Variants in CDHR1 observed in about 807,000 individuals in gnomAD.
CDHR1 encodes cadherin related family member 1, also known as cadherin-related family member 1.
Under a neutral mutation model 72.1 loss-of-function variants are expected in CDHR1, and 61 were observed. The ratio of observed to expected loss-of-function variants is 0.85; its 90% confidence interval spans 0.69 to 1.05. The LOEUF (loss-of-function observed/expected upper bound fraction) is 1.05. Ranked by LOEUF, CDHR1 falls within the 50% of genes least tolerant of loss-of-function variation. The pLI, the probability that CDHR1 is intolerant of heterozygous loss-of-function variation, is 0.00. For missense variants in CDHR1, 1,186 were observed against 1,115.7 expected (o/e 1.06, Z -0.90); for synonymous variants, 470 against 448.1 (o/e 1.05, Z -0.62).
chr10:84,201,125 C>T (rs951046525), intron 6 of CDHR1, among the ~76,000 whole-genome samples: 2 of 152,256 alleles, frequency 1.3e-5, no homozygotes, highest in Non-Finnish European at 2.9e-5. Context: ...CCCCTCACCA[C>T]TCCCGTGACC....
At position 84,204,571 on chromosome 10, in the gene CDHR1, C is replaced by A; in HGVS notation, c.828C>A (p.Gly276=). 6.2e-7 allele frequency: 1 copy of A among 1,613,804 alleles called. No individual in the cohort carries two copies. Among genetic ancestry groups the A allele is most frequent in the South Asian group, 1.1e-5 (1 of 91,076 alleles). The change falls in exon 9 of 17, where the codon GGC becomes GGA. Residue 276 remains glycine (G), a synonymous_variant. Transcript: ENST00000623527. ...LKVVAMDGDR[G]KPNRILYSLV... ...TGGTCGCCATGGATGGAGACCGGGG[C>A]AAACCCAATCGAATTCTCTACAGCC...
rs1281795352 is a variant in CDHR1, at chr10:84,205,927, G to C, written c.963G>C (p.Gln321His). The C allele has an allele frequency of 6.2e-7, 1 of 1,611,742 alleles. No homozygotes were observed. Among genetic ancestry groups the C allele is most frequent in the Admixed American group, 1.7e-5 (1 of 59,994 alleles). ...GAGAGGTGTATGAGCTGCATGTACA[G>C]GTACCCTCCCTCTAGCTTTGTCTTC... ...LQREVYELHV[Q>H]VTEMSPAGSP... is the part of the protein sequence containing the mutation. Residue 321 changes from glutamine (Q) to histidine (H), a missense_variant and splice_region_variant, in exon 10 of 17, where the codon CAG becomes CAC. By Grantham distance (24) the Gln-to-His change is conservative. Transcript: ENST00000623527.
In CDHR1 at chr10:84,214,636, C is replaced by A. The variant is rs1193305836; in HGVS notation, c.*15C>A. 4 of 1,598,670 alleles carry A rather than the reference C, an allele frequency of 2.5e-6. No homozygotes were observed. In the South Asian group the frequency reaches 4.4e-5, roughly 18 times the overall value. ...CTTACTTCTAGTGTATGCCCTATGA[C>A]CCCCCATCTTTCCTCCGCCCCTGAC... On this transcript the variant is annotated 3_prime_UTR_variant, in exon 17 of 17. Transcript: ENST00000623527.
chr10:84,204,126 T>C (rs1462079018), intron 8 of CDHR1, among the ~76,000 whole-genome samples: 1 of 152,136 alleles, frequency 6.6e-6, no homozygotes, highest in Non-Finnish European at 1.5e-5. Flanking sequence ...CTGGCCTCTC[T>C]CCCACCTCTT....
downstream of CDHR1, chr10:84,219,365 C>T: frequency 2.7e-6 from 4 of 1,509,340 alleles, no homozygotes; most frequent in Non-Finnish European, 3.5e-6. Flanking sequence ...TACTTCCCTA[C>T]CCACCAACAT....
At position 84,200,796 on chromosome 10, in the gene CDHR1, G is replaced by A. The variant is rs948061578; in HGVS notation, c.525+109G>A. The A allele has an allele frequency of 3.9e-5, 30 of 763,406 alleles. 1 individual carries two copies. The highest frequency in any genetic ancestry group is 2.1e-4 in the African/African-American group (12 of 57,852). The allele number at this position is 763,406 out of a possible 1,614,324, so 47.3% of individuals were successfully genotyped here. A position where few individuals can be genotyped will look rare whatever the true frequency, so the allele number is the denominator to read the frequency against. ...TTAGGTCGGTGCCTCTATGATTCCC[G>A]AGAAGTACATGAAGGGTTGGGATGG... On this transcript the variant is annotated intron_variant, in intron 6 of 16. Coordinates refer to ENST00000623527, the MANE Select transcript of CDHR1 (RefSeq NM_033100.4).
rs2132788009 is a variant in CDHR1, at chr10:84,196,582, A to G, written c.229A>G (p.Thr77Ala). The change falls in exon 3 of 17, where the codon ACT (threonine) becomes GCT (alanine). Residue 77 changes from threonine to alanine, a missense_variant. By Grantham distance (58) the Thr-to-Ala change is moderately conservative. Coordinates refer to ENST00000623527, the MANE Select transcript of CDHR1 (RefSeq NM_033100.4). ...ISYHISFDPS[T>A]RSVFSVDPTF... is the part of the protein sequence containing the mutation. Reference sequence around the variant, plus strand: ...CTACCACATCAGCTTTGACCCCAGCACTAGAAGCGTCTTTTCTGTTGACCC... The same window carrying G: ...CTACCACATCAGCTTTGACCCCAGCGCTAGAAGCGTCTTTTCTGTTGACCC... 3.1e-6 allele frequency: 5 copies of G among 1,614,198 alleles called. No individual in the cohort carries two copies. The highest frequency in any genetic ancestry group is 1.6e-4 in the Middle Eastern group (1 of 6,062).
chr10:84,200,481 T>C (rs1842103353), intron 5 of CDHR1, 120 bp from the exon 6 acceptor site: 1 of 732,758 alleles, frequency 1.4e-6, no homozygotes, highest in Middle Eastern at 2.8e-4. Flanking sequence ...TTATCCTCAA[T>C]TGTTCACCTC....
chr10:84,198,944 G>A lies in CDHR1; in HGVS notation c.349-88G>A, dbSNP rs1036648391. 6.2e-5 allele frequency: 57 copies of A among 925,608 alleles called. No homozygotes were observed. In the African/African-American group the frequency reaches 7.4e-4, roughly 12 times the overall value. 57.3% of individuals were successfully genotyped at this position (925,608 alleles called of 1,614,324 possible). A position where few individuals can be genotyped will look rare whatever the true frequency, so the allele number is the denominator to read the frequency against. ...AGAGAGAGGAGGGATGGGCAGAGAC[G>A]TGTACATTGGAGTGATAGAGGTCGC... On this transcript the variant is annotated intron_variant, in intron 4 of 16. Transcript: ENST00000623527.
downstream of CDHR1, chr10:84,219,286 G>A: frequency 6.5e-7 from 1 of 1,549,634 alleles, no homozygotes; most frequent in Non-Finnish European, 8.7e-7. Context: ...AAAAGTATCA[G>A]ATTCTCAGAA....
intron 15 of CDHR1, chr10:84,212,751 C>G: frequency 1.9e-6 from 1 of 523,178 alleles, no homozygotes; most frequent in Admixed American, 3.2e-5. Context: ...ACCCAGCAGA[C>G]TTGACTTTGA....
chr10:84,219,545 G>A, downstream of CDHR1: 1 of 419,630 alleles, frequency 2.4e-6, no homozygotes, highest in Admixed American at 4.0e-5. Flanking sequence ...ACACCCTCAA[G>A]ATCCGTAGAC....
In CDHR1 at chr10:84,195,489, T is replaced by C; in HGVS notation, c.56-5T>C. 6.2e-7 allele frequency: 1 copy of C among 1,613,460 alleles called. No homozygotes were observed. Among genetic ancestry groups the C allele is most frequent in the Non-Finnish European group, 8.5e-7 (1 of 1,179,678 alleles). ...GTGTCCGTCTGTTCTGTGTTCTTTT[T>C]CCAGCTCAGGCCAACTTCGCCCCGC... is the stretch of plus-strand genomic sequence containing the variant. On this transcript the variant is annotated splice_region_variant and splice_polypyrimidine_tract_variant and intron_variant, in intron 1 of 16. Coordinates refer to ENST00000623527, the MANE Select transcript of CDHR1 (RefSeq NM_033100.4).
At chr10:84,202,321 C>T (rs1414990456) in intron 7 of CDHR1, among the ~76,000 whole-genome samples, 1 of 152,222 alleles carries the variant, frequency 6.6e-6, no homozygotes, top group Admixed American at 6.5e-5. Flanking sequence ...CTGCCCACCC[C>T]TGAAGCTCAA....
At position 84,197,918 on chromosome 10, in the gene CDHR1, A is replaced by G. The variant is rs1435138554; in HGVS notation, c.348+82A>G. The G allele has an allele frequency of 1.5e-5, 20 of 1,351,760 alleles. No homozygotes were observed. The East Asian group carries it at 4.4e-4, about 29-fold the overall frequency. The allele number at this position is 1,351,760 out of a possible 1,614,324, so 83.7% of individuals were successfully genotyped here. On this transcript the variant is annotated intron_variant, in intron 4 of 16. Coordinates refer to ENST00000623527, the MANE Select transcript of CDHR1 (RefSeq NM_033100.4). ...GTGAGGCTGGCACGATTCCTCCCCAAGCCTTCATGGGGGCTTTTCTGCAAG... is the reference window on the plus strand; with the variant it reads ...GTGAGGCTGGCACGATTCCTCCCCAGGCCTTCATGGGGGCTTTTCTGCAAG...
chr10:84,195,681 C>T (rs1275825975), intron 2 of CDHR1, 92 bp downstream of exon 2: 1 of 1,079,384 alleles, frequency 9.3e-7, no homozygotes, highest in African/African-American at 1.6e-5. Flanking sequence ...ACCCAAGTTG[C>T]TGCGCGCGCC....
intron 6 of CDHR1, among the ~76,000 whole-genome samples, 184 bp downstream of exon 6, chr10:84,200,871 A>C (rs942197839): frequency 6.6e-6 from 1 of 152,020 alleles, no homozygotes; most frequent in Non-Finnish European, 1.5e-5. Context: ...TGATGGGCCC[A>C]TCCTGGCGTC....
chr10:84,201,183 A>G (rs982527168), intron 6 of CDHR1, among the ~76,000 whole-genome samples: 1 of 152,128 alleles, frequency 6.6e-6, no homozygotes, highest in East Asian at 1.9e-4. Context: ...CATGTATCAC[A>G]TGGGAGTGAT....
chr10:84,202,151 C>G (rs1354458498), intron 7 of CDHR1, among the ~76,000 whole-genome samples: 1 of 152,108 alleles, frequency 6.6e-6, no homozygotes, highest in Non-Finnish European at 1.5e-5. Context: ...GGGCCAGGAT[C>G]CCCCAGGTAA....
Sources: allele counts gnomAD v4.1 joint callset (sites outside exome capture counted in the v4.1 genomes callset), GRCh38; gene constraint gnomAD v4.1.1; transcripts MANE v1.5; gene names NCBI Gene and HGNC (gene_info 2026-07-23, HGNC 2026-07-21).